Variants in ROS1 observed in about 807,000 individuals in gnomAD.
ROS1 encodes ROS proto-oncogene 1, receptor tyrosine kinase.
ROS1 carries 263 observed loss-of-function variants against 273.5 expected under a neutral mutation model. That is an observed-to-expected ratio of 0.96 (90% CI 0.87 to 1.06). The LOEUF (loss-of-function observed/expected upper bound fraction) is 1.06. Ranked by LOEUF, ROS1 falls within the 50% of genes least tolerant of loss-of-function variation. ROS1 has a pLI of 0.00. For missense variants in ROS1, 2,833 were observed against 2,751.1 expected, an observed-to-expected ratio of 1.03 and a Z score of -0.67; for synonymous variants, 1,008 against 954.1, an observed-to-expected ratio of 1.06 and a Z score of -1.04.
At chr6:117,328,656 T>A (rs1776820359) in intron 33 of ROS1, 1 of 572,814 alleles carries the variant, frequency 1.7e-6, no homozygotes, top group African/African-American at 1.8e-5. Flanking sequence ...GGTTTCATAG[T>A]CCTGTGAGAG....
chr6:117,414,287 A>C (rs3777982), intron 4 of ROS1, among the ~76,000 whole-genome samples: 66,521 of 151,796 alleles, frequency 0.44, 15,683 homozygotes, highest in African/African-American at 0.61. Flanking sequence ...GTGTGTATGC[A>C]CATAGGAACA....
intron 35 of ROS1, among the ~76,000 whole-genome samples, chr6:117,324,030 G>A (rs1169518431): frequency 6.6e-6 from 1 of 152,098 alleles, no homozygotes; most frequent in Non-Finnish European, 1.5e-5. Context: ...TTTGTATGCA[G>A]CCAATCAGAA....
Position 117,337,259 on chromosome 6 carries a change from G to T in ROS1, c.5143C>A (p.Pro1715Thr), listed in dbSNP as rs1777550222. 2 of 1,612,328 alleles carry T rather than the reference G, an allele frequency of 1.2e-6. No individual in the cohort carries two copies. Among genetic ancestry groups the T allele is most frequent in the Non-Finnish European group, 1.7e-6 (2 of 1,178,834 alleles). ...ACTCTGACATTATATGAAGTATAAG[G>T]TTGTAGATTTGTGATATTACAGACA... ...AYVCNITNLQ[P>T]YTSYNVRVVV... Residue 1715 changes from proline (P) to threonine (T), a missense_variant, in exon 32 of 44, where the codon CCT (proline) becomes ACT (threonine). Coordinates refer to ENST00000368507, the MANE Select transcript of ROS1 (RefSeq NM_001378902.1).
At chr6:117,398,928 G>T (rs535195272) in intron 7 of ROS1, among the ~76,000 whole-genome samples, 1 of 150,790 alleles carries the variant, frequency 6.6e-6, no homozygotes, top group East Asian at 2.0e-4. Flanking sequence ...AGCTGAGATC[G>T]TGCTACTGTA....
intron 42 of ROS1, among the ~76,000 whole-genome samples, chr6:117,306,487 T>C (rs1479470878): frequency 2.0e-5 from 3 of 152,164 alleles, no homozygotes; most frequent in Non-Finnish European, 2.9e-5. Context: ...AACTAAAAAC[T>C]GAAGAGAATC....
At chr6:117,343,332 T>C (rs143808102) in intron 28 of ROS1, among the ~76,000 whole-genome samples, 4 of 152,260 alleles carry the variant, frequency 2.6e-5, no homozygotes, top group African/African-American at 9.6e-5. Flanking sequence ...TGGGAAAACA[T>C]ATAGTGTTTA....
intron 38 of ROS1, 53 bp from the exon 39 acceptor site, chr6:117,317,325 G>T (rs1037000438): frequency 4.4e-5 from 69 of 1,574,798 alleles, no homozygotes; most frequent in Admixed American, 3.9e-4. Flanking sequence ...AGGAGTCCTA[G>T]CCGAGGGTCT....
rs200852417 is a variant in ROS1 at position 117,403,138 on chromosome 6, C to T, written c.604+1G>A. 1.5e-5 allele frequency: 24 copies of T among 1,613,778 alleles called. No individual in the cohort carries two copies. The highest frequency in any genetic ancestry group is 1.7e-5 in the Non-Finnish European group (20 of 1,179,918). The stretch of plus-strand genomic sequence containing the variant: ...TCATAAGAAATGTGTGCACACCATA[C>T]CTCCATGAGGATGAGTCCTGTAACT... On this transcript the variant is annotated splice_donor_variant, in intron 7 of 43. Coordinates refer to ENST00000368507, the MANE Select transcript of ROS1 (RefSeq NM_001378902.1). LOFTEE classifies it high-confidence loss of function.
intron 27 of ROS1, among the ~76,000 whole-genome samples, chr6:117,352,064 A>G (rs934789273): frequency 7.2e-5 from 11 of 152,152 alleles, no homozygotes; most frequent in African/African-American, 2.4e-4. Context: ...ACAAAATACC[A>G]ATGAGGCCAT....
chr6:117,311,068 T>C lies in ROS1; in HGVS notation c.6167A>G (p.Asp2056Gly). 6.2e-7 allele frequency: 1 copy of C among 1,611,990 alleles called. No individual in the cohort carries two copies. The highest frequency in any genetic ancestry group is 8.5e-7 in the Non-Finnish European group (1 of 1,178,938). The change falls in exon 40 of 44, where the codon GAT (aspartate) becomes GGT (glycine). Residue 2056 changes from aspartate (D) to glycine (G), a missense_variant. Coordinates refer to ENST00000368507, the MANE Select transcript of ROS1 (RefSeq NM_001378902.1). Reference protein sequence around the residue: ...TLVDLVDLCVDISKGCVYLER... With the variant: ...TLVDLVDLCVGISKGCVYLER... Reference sequence around the variant, plus strand: ...CAAGTAGACACAGCCTTTTGAAATATCTACACACAGGTCTACAAGGTCAAC... The same window carrying C: ...CAAGTAGACACAGCCTTTTGAAATACCTACACACAGGTCTACAAGGTCAAC...
In ROS1 at chr6:117,324,395, T is replaced by G. The variant is rs1423646118; in HGVS notation, c.5560A>C (p.Thr1854Pro). 1 of 1,483,502 alleles carries G rather than the reference T, an allele frequency of 6.7e-7. No individual in the cohort carries two copies. Among genetic ancestry groups the G allele is most frequent in the East Asian group, 2.3e-5 (1 of 43,910 alleles). 91.9% of individuals were successfully genotyped at this position (1,483,502 alleles called of 1,614,324 possible). A position where few individuals can be genotyped will look rare whatever the true frequency, so the allele number is the denominator to read the frequency against. Reference sequence around the variant, plus strand: ...ACTATAATAGTAAGTATGAAACTTGTTTCTGGTATCCAAAAATCATCTAAT... The same window carrying G: ...ACTATAATAGTAAGTATGAAACTTGGTTCTGGTATCCAAAAATCATCTAAT... ...LVGDDFWIPE[T>P]SFILTIIVGI... Residue 1854 changes from threonine to proline, a missense_variant, in exon 35 of 44, where the codon ACA becomes CCA. Coordinates refer to ENST00000368507, the MANE Select transcript of ROS1 (RefSeq NM_001378902.1).
chr6:117,342,260 C>A, intron 29 of ROS1, 140 bp downstream of exon 29: 1 of 787,110 alleles, frequency 1.3e-6, no homozygotes, highest in Non-Finnish European at 2.0e-6. Context: ...AAGTTTTCTA[C>A]AAACACATTT....
At chr6:117,296,135 C>T (rs1170180529) in intron 43 of ROS1, among the ~76,000 whole-genome samples, 15 of 152,140 alleles carry the variant, frequency 9.9e-5, no homozygotes, top group African/African-American at 2.7e-4. Flanking sequence ...CAGTTGCTCA[C>T]GCCTGTAATC....
At chr6:117,313,805 G>A (rs879586254) in intron 39 of ROS1, among the ~76,000 whole-genome samples, 11 of 152,244 alleles carry the variant, frequency 7.2e-5, no homozygotes, top group Admixed American at 7.2e-4. Context: ...CATGTGGGGA[G>A]AGGCTGGCCT....
intron 43 of ROS1, among the ~76,000 whole-genome samples, chr6:117,297,495 A>G (rs1292440698): frequency 6.6e-6 from 1 of 152,198 alleles, no homozygotes; most frequent in Non-Finnish European, 1.5e-5. Context: ...TCCAGAATAT[A>G]CAAGGAATTC....
rs1778021494 is a variant in ROS1, at chr6:117,342,480, A to G, written c.4571T>C (p.Ile1524Thr). The change falls in exon 29 of 44, where the codon ATA becomes ACA. Residue 1524 changes from isoleucine (I) to threonine (T), a missense_variant. Transcript: ENST00000368507. Reference protein sequence around the residue: ...LQPFSTYMIQIAVKNYYSDPL... With the variant: ...LQPFSTYMIQTAVKNYYSDPL... The stretch of plus-strand genomic sequence containing the variant: ...ATCTGAATAATAATTTTTTACAGCT[A>G]TCTGTATCATGTATGTTGAAAATGG... 1 of 1,605,338 alleles carries G rather than the reference A, an allele frequency of 6.2e-7. No individual in the cohort carries two copies. The highest frequency in any genetic ancestry group is 1.3e-5 in the African/African-American group (1 of 74,706).
At chr6:117,354,776 G>T (rs563859739) in intron 26 of ROS1, among the ~76,000 whole-genome samples, 49 of 152,200 alleles carry the variant, frequency 3.2e-4, no homozygotes, top group Non-Finnish European at 6.6e-4. Context: ...AAATATTAAA[G>T]AAAAAAATTA....
At chr6:117,303,605 C>A (rs172409) in intron 42 of ROS1, among the ~76,000 whole-genome samples, 94,106 of 151,986 alleles carry the variant, frequency 0.62, 29,707 homozygotes, top group African/African-American at 0.74. Context: ...AGGAGGGAAG[C>A]GAGATCATGC....
chr6:117,397,270 G>GT (rs1773574767), intron 7 of ROS1, among the ~76,000 whole-genome samples, 154 bp from the exon 8 acceptor site: 1 of 152,058 alleles, frequency 6.6e-6, no homozygotes, highest in South Asian at 2.1e-4. Flanking sequence ...AGGAAAGGTG[G>GT]TAAGATGTCT....
Sources: allele counts gnomAD v4.1 joint callset (sites outside exome capture counted in the v4.1 genomes callset), GRCh38; gene constraint gnomAD v4.1.1; transcripts MANE v1.5; gene names NCBI Gene and HGNC (gene_info 2026-07-23, HGNC 2026-07-21).